TSPAN15: variants seen among roughly 807,000 people sequenced by gnomAD.
The protein encoded by TSPAN15 is tetraspanin-15.
A neutral mutation model predicts 34.5 loss-of-function variants in TSPAN15; 20 were observed. The ratio of observed to expected loss-of-function variants is 0.58; its 90% confidence interval spans 0.41 to 0.84. The LOEUF is 0.84. TSPAN15 is among the 40% of genes least tolerant of loss of function. The pLI is 0.00. For synonymous variants in TSPAN15, 155 were observed against 153.9 expected (o/e 1.01, Z -0.05); for missense variants, 313 against 386.1 (o/e 0.81, Z 1.59).
intron 1 of TSPAN15, among the ~76,000 whole-genome samples, chr10:69,481,399 A>G (rs115218719): frequency 0.019 from 2,862 of 152,290 alleles, 104 homozygotes; most frequent in African/African-American, 0.066. Flanking sequence ...TACTGGATCC[A>G]AGTGAGATGG....
chr10:69,505,395 A>T (rs1008939486), intron 6 of TSPAN15, among the ~76,000 whole-genome samples: 16 of 152,176 alleles, frequency 1.1e-4, no homozygotes, highest in Non-Finnish European at 2.1e-4. Flanking sequence ...GATACTGGGC[A>T]TTGTGTTGGC....
At chr10:69,462,177 T>TTTA (rs1564598975) in intron 1 of TSPAN15, among the ~76,000 whole-genome samples, 1 of 144,172 alleles carries the variant, frequency 6.9e-6, no homozygotes, top group Non-Finnish European at 1.5e-5. Context: ...TTTTTTTTTT[T>TTTA]TTTTGTAGAA....
chr10:69,531,939 AC>A, the TSPAN15 span, among the ~76,000 whole-genome samples: 13 of 125,656 alleles, frequency 1.0e-4, no homozygotes, highest in Middle Eastern at 3.8e-3. Flanking sequence ...ACAAAACAAA[AC>A]AAAAAAAAAA....
At chr10:69,530,820 C>CTCTATATATA in the TSPAN15 span, among the ~76,000 whole-genome samples, 8 of 30,774 alleles carry the variant, frequency 2.6e-4, no homozygotes, top group African/African-American at 3.4e-4. Context: ...CTCTCTCTCT[C>CTCTATATATA]TATATATATA....
intron 2 of TSPAN15, 67 bp from the exon 3 acceptor site, chr10:69,485,074 G>A: frequency 1.4e-6 from 2 of 1,458,678 alleles, no homozygotes; most frequent in Non-Finnish European, 1.9e-6. Flanking sequence ...AGCAGATGGT[G>A]CCTCCCCTGT....
intron 1 of TSPAN15, among the ~76,000 whole-genome samples, chr10:69,456,552 A>G (rs568114717): frequency 1.3e-5 from 2 of 152,198 alleles, no homozygotes; most frequent in African/African-American, 4.8e-5. Flanking sequence ...GGAAACCAAG[A>G]CGCCCATCAT....
the TSPAN15 span, among the ~76,000 whole-genome samples, chr10:69,530,689 C>G: frequency 7.0e-6 from 1 of 142,270 alleles, no homozygotes; most frequent in African/African-American, 2.6e-5. Flanking sequence ...GCCTGTAATC[C>G]CAGCTATTTG....
At chr10:69,509,098 T>C (rs1159000602), downstream of TSPAN15, among the ~76,000 whole-genome samples, 2 of 152,196 alleles carry the variant, frequency 1.3e-5, no homozygotes, top group African/African-American at 2.4e-5. Context: ...GGCAGCTGCC[T>C]TTAGGGGCAG....
At chr10:69,484,991 A>G (rs1336809383) in intron 2 of TSPAN15, 150 bp from the exon 3 acceptor site, 2 of 722,422 alleles carry the variant, frequency 2.8e-6, no homozygotes, top group African/African-American at 3.5e-5. Context: ...ACGTTCTCAC[A>G]GGAGGAGGGG....
chr10:69,521,119 A>G, the TSPAN15 span, among the ~76,000 whole-genome samples: 4 of 152,190 alleles, frequency 2.6e-5, no homozygotes, highest in African/African-American at 9.7e-5. Context: ...GTGTTGCAGA[A>G]GAGATTAGCA....
At chr10:69,472,521 T>C (rs967415316) in intron 1 of TSPAN15, among the ~76,000 whole-genome samples, 20 of 152,184 alleles carry the variant, frequency 1.3e-4, no homozygotes, top group Admixed American at 5.9e-4. Flanking sequence ...ATCTGCTTAT[T>C]CCAAATGTCT....
chr10:69,544,400 T>G, the TSPAN15 span, among the ~76,000 whole-genome samples: 1 of 151,732 alleles, frequency 6.6e-6, no homozygotes, highest in Non-Finnish European at 1.5e-5. Flanking sequence ...AGGGTGGGAG[T>G]GATGGGATGG....
At chr10:69,544,976 G>A in the TSPAN15 span, among the ~76,000 whole-genome samples, 11 of 152,252 alleles carry the variant, frequency 7.2e-5, no homozygotes, top group Admixed American at 6.5e-4. Context: ...TCCCCCAGCC[G>A]ACTGAACTCC....
the TSPAN15 span, among the ~76,000 whole-genome samples, chr10:69,547,444 A>G: frequency 1.3e-5 from 2 of 152,234 alleles, no homozygotes; most frequent in South Asian, 4.1e-4. Flanking sequence ...TGGAGGATGA[A>G]GTCTGTTCTT....
At chr10:69,539,536 A>AAGAAGAAGAAGAAGG in the TSPAN15 span, among the ~76,000 whole-genome samples, 19 of 71,548 alleles carry the variant, frequency 2.7e-4, no homozygotes, top group South Asian at 1.4e-3. Context: ...GAAGAAGAAG[A>AAGAAGAAGAAGAAGG]AGGAGAAGGA....
chr10:69,519,878 G>A, the TSPAN15 span, among the ~76,000 whole-genome samples: 9 of 152,002 alleles, frequency 5.9e-5, no homozygotes, highest in African/African-American at 9.7e-5. Context: ...GATTACAGGC[G>A]TGTGCCACCA....
At chr10:69,505,735 G>C (rs940470261) in intron 6 of TSPAN15, among the ~76,000 whole-genome samples, 3 of 152,112 alleles carry the variant, frequency 2.0e-5, no homozygotes, top group African/African-American at 7.2e-5. Context: ...TGTACCTGGA[G>C]TGGGGCTATT....
intron 1 of TSPAN15, among the ~76,000 whole-genome samples, chr10:69,473,095 T>C (rs1183160015): frequency 2.0e-5 from 3 of 152,190 alleles, no homozygotes; most frequent in Admixed American, 2.0e-4. Flanking sequence ...TTATAGATAT[T>C]CAGAAGTGGA....
At chr10:69,494,655 C>T in intron 3 of TSPAN15, 2 of 985,418 alleles carry the variant, frequency 2.0e-6, no homozygotes, top group Non-Finnish European at 2.4e-6. Flanking sequence ...GAGAAGTAAG[C>T]CGCGATGGGG....
Sources: gnomAD v4.1 joint callset for allele counts (sites outside exome capture counted in the v4.1 genomes callset) on GRCh38, gnomAD v4.1.1 for gene constraint, MANE v1.5 for transcripts, NCBI Gene and HGNC (gene_info 2026-07-23, HGNC 2026-07-21) for gene names.